LRRC49: variants seen among roughly 807,000 people sequenced by gnomAD.
LRRC49 encodes the protein leucine-rich repeat-containing protein 49.
Under a neutral mutation model 83.3 loss-of-function variants are expected in LRRC49, and 50 were observed. The ratio of observed to expected loss-of-function variants is 0.60; its 90% CI spans 0.48 to 0.76. The LOEUF (loss-of-function observed/expected upper bound fraction) is 0.76, where lower values mean the gene tolerates loss of function less well. Ranked by LOEUF, LRRC49 falls within the 30% of genes least tolerant of loss-of-function variation. The probability of loss-of-function intolerance (pLI) is 0.00; values close to 1 mark genes in which losing one functional copy is unlikely to be tolerated. For synonymous variants in LRRC49, 286 were observed against 283.3 expected, an observed-to-expected ratio of 1.01 and a Z score of -0.10; for missense variants, 704 against 809.1, an observed-to-expected ratio of 0.87 and a Z score of 1.58.
chr15:70,902,081 G>A (rs982032712), intron 4 of LRRC49, among the ~76,000 whole-genome samples: 1 of 152,126 alleles, frequency 6.6e-6, no homozygotes, highest in Admixed American at 6.5e-5. Flanking sequence ...AACACTGAAG[G>A]GCAGTATCTC....
At position 70,919,175 on chromosome 15, in the gene LRRC49, C is replaced by T. The variant is rs116849588; in HGVS notation, c.693C>T (p.His231=). The T allele has an allele frequency of 2.2e-4, 348 of 1,611,626 alleles. 2 individuals carry two copies. In the East Asian group the frequency reaches 7.7e-3, roughly 35 times the overall value. Residue 231 remains histidine, a synonymous_variant, in exon 7 of 16, where the codon CAC becomes CAT. Coordinates refer to ENST00000260382, the MANE Select transcript of LRRC49 (RefSeq NM_017691.5). ...CACTAACTGAACTTAACTTGCGACA[C>T]AATCAAATCACTTTCGTGGTGAGTA... ...LDSLTELNLR[H]NQITFVRDVD...
chr15:70,963,932 G>C lies in LRRC49; in HGVS notation c.921G>C (p.Thr307=). The C allele has an allele frequency of 6.2e-7, 1 of 1,612,326 alleles. No individual in the cohort carries two copies. Among genetic ancestry groups the C allele is most frequent in the East Asian group, 2.2e-5 (1 of 44,828 alleles). ...QLRQLDMKRI[T]EEERRMASVL... is the part of the protein sequence containing the mutation. ...GCCAGCTAGATATGAAGAGAATCACGGTGAGAACCCTTCCAAAGTGTTCAC... is the reference window on the plus strand; with the variant it reads ...GCCAGCTAGATATGAAGAGAATCACCGTGAGAACCCTTCCAAAGTGTTCAC... Residue 307 remains threonine (T), a splice_region_variant and synonymous_variant, in exon 9 of 16, where the codon ACG becomes ACC. Transcript: ENST00000260382.
chr15:71,000,154 TTAAG>T (rs1253658373), intron 11 of LRRC49, among the ~76,000 whole-genome samples: 3 of 152,232 alleles, frequency 2.0e-5, no homozygotes, highest in Non-Finnish European at 4.4e-5. Flanking sequence ...CTTTTCTTCA[TTAAG>T]TGTTTCCCTG....
chr15:70,860,490 C>G (rs894362075), intron 1 of LRRC49, among the ~76,000 whole-genome samples: 1 of 152,210 alleles, frequency 6.6e-6, no homozygotes, highest in Non-Finnish European at 1.5e-5. Context: ...TCATAACTCA[C>G]TGTATCCTTA....
At chr15:70,881,324 A>G (rs926140396) in intron 2 of LRRC49, 2 of 152,218 alleles carry the variant, frequency 1.3e-5, no homozygotes, top group South Asian at 4.1e-4. Flanking sequence ...TTACACAATC[A>G]TTGTTCAGGC....
intron 8 of LRRC49, among the ~76,000 whole-genome samples, chr15:70,960,305 C>T (rs1418198428): frequency 6.6e-6 from 1 of 152,110 alleles, no homozygotes; most frequent in Non-Finnish European, 1.5e-5. Flanking sequence ...CATAGAGTAG[C>T]CCTGACAAAG....
intron 4 of LRRC49, among the ~76,000 whole-genome samples, chr15:70,901,715 G>A (rs1342883776): frequency 1.3e-5 from 2 of 152,084 alleles, no homozygotes; most frequent in African/African-American, 2.4e-5. Context: ...TTTAGTGTCT[G>A]TCTCCTACTA....
At chr15:70,886,908 T>C (rs146736136) in intron 2 of LRRC49, among the ~76,000 whole-genome samples, 3 of 151,506 alleles carry the variant, frequency 2.0e-5, no homozygotes, top group Non-Finnish European at 4.4e-5. Context: ...GTGAAGCTGA[T>C]CAAGAAAAAA....
At chr15:71,008,848 A>T (rs568186334) in intron 12 of LRRC49, among the ~76,000 whole-genome samples, 3 of 152,044 alleles carry the variant, frequency 2.0e-5, no homozygotes, top group African/African-American at 7.2e-5. Flanking sequence ...TGTGGAGTAG[A>T]AAAAGACTGA....
At chr15:70,895,588 A>G (rs1381833687) in intron 2 of LRRC49, 2 of 273,734 alleles carry the variant, frequency 7.3e-6, no homozygotes, top group Non-Finnish European at 6.8e-6. Flanking sequence ...ATCATTCCAA[A>G]TGGAATCCCT....
intron 7 of LRRC49, among the ~76,000 whole-genome samples, chr15:70,928,268 CA>C (rs2035283464): frequency 1.3e-5 from 2 of 152,062 alleles, no homozygotes; most frequent in African/African-American, 4.8e-5. Context: ...GGAAGTTCAA[CA>C]AATTTATTTT....
At chr15:71,035,703 C>G (rs1191677320) in intron 14 of LRRC49, among the ~76,000 whole-genome samples, 1 of 152,004 alleles carries the variant, frequency 6.6e-6, no homozygotes, top group Non-Finnish European at 1.5e-5. Context: ...GCATAGTATT[C>G]CATGGTATAT....
At chr15:71,022,940 T>G (rs1172125185) in intron 14 of LRRC49, among the ~76,000 whole-genome samples, 2 of 152,170 alleles carry the variant, frequency 1.3e-5, no homozygotes, top group African/African-American at 4.8e-5. Context: ...AGAATTGAAA[T>G]CACATGGAGC....
Position 71,009,940 on chromosome 15 carries a change from A to C in LRRC49, c.1541A>C (p.Tyr514Ser). Reference protein sequence around the residue: ...PVVNFTLWKYYVLFRLSHFSM... With the variant: ...PVVNFTLWKYSVLFRLSHFSM... ...GTCAATTTTACACTCTGGAAATACTATGTACTGTTTAGGCTAAGCCATTTC... is the reference window on the plus strand; with the variant it reads ...GTCAATTTTACACTCTGGAAATACTCTGTACTGTTTAGGCTAAGCCATTTC... The change falls in exon 13 of 16, where the codon TAT becomes TCT. Residue 514 changes from tyrosine to serine, a missense_variant. By Grantham distance (144) the Tyr-to-Ser change is moderately radical. Transcript: ENST00000260382. 6.2e-7 allele frequency: 1 copy of C among 1,612,076 alleles called. No individual in the cohort carries two copies. Among genetic ancestry groups the C allele is most frequent in the Non-Finnish European group, 8.5e-7 (1 of 1,178,564 alleles).
At chr15:70,861,427 T>TTTTTTGAGACGGAG (rs1555424148) in intron 1 of LRRC49, among the ~76,000 whole-genome samples, 1 of 150,498 alleles carries the variant, frequency 6.6e-6, no homozygotes, top group Non-Finnish European at 1.5e-5. Context: ...TTATTCCTTC[T>TTTTTTGAGACGGAG]TCTTCTCTCC....
chr15:70,940,145 A>T (rs568936927), intron 8 of LRRC49, among the ~76,000 whole-genome samples: 1 of 152,140 alleles, frequency 6.6e-6, no homozygotes, highest in Non-Finnish European at 1.5e-5. Flanking sequence ...TCTAGAAAAG[A>T]ATCTATTTCT....
At chr15:70,871,563 G>T (rs1291968024) in intron 1 of LRRC49, among the ~76,000 whole-genome samples, 1 of 151,500 alleles carries the variant, frequency 6.6e-6, no homozygotes, top group African/African-American at 2.4e-5. Context: ...CGAACGGCGC[G>T]GCTGGCCGGG....
intron 5 of LRRC49, among the ~76,000 whole-genome samples, chr15:70,909,549 G>A (rs1439784211): frequency 1.3e-5 from 2 of 152,028 alleles, no homozygotes; most frequent in Non-Finnish European, 2.9e-5. Flanking sequence ...TGTGTTGAAA[G>A]TTGTACCTGG....
At chr15:70,859,483 C>A in intron 1 of LRRC49, 2 of 696,732 alleles carry the variant, frequency 2.9e-6, no homozygotes, top group South Asian at 2.8e-5. Context: ...TGGACACGGT[C>A]AGCATCATTG....
Sources: gnomAD v4.1 joint callset for allele counts (sites outside exome capture counted in the v4.1 genomes callset) on GRCh38, gnomAD v4.1.1 for gene constraint, MANE v1.5 for transcripts, NCBI Gene and HGNC (gene_info 2026-07-23, HGNC 2026-07-21) for gene names.